DNAJC13: variants seen among roughly 807,000 people sequenced by gnomAD.
DNAJC13 encodes the protein dnaJ homolog subfamily C member 13.
A neutral mutation model predicts 290.5 loss-of-function variants in DNAJC13; 75 were observed. The observed-to-expected ratio is 0.26, with a 90% CI of 0.21 to 0.31. The LOEUF (loss-of-function observed/expected upper bound fraction) is 0.31, where lower values mean the gene tolerates loss of function less well. Ranked by LOEUF, DNAJC13 falls within the 10% of genes least tolerant of loss-of-function variation. The probability of loss-of-function intolerance (pLI) is 1.00; values close to 1 mark genes in which losing one functional copy is unlikely to be tolerated. For missense variants in DNAJC13, 2,260 were observed against 2,674.5 expected (o/e 0.85, Z 3.42); for synonymous variants, 862 against 892.0 (o/e 0.97, Z 0.60).
At chr3:132,463,952 C>A in intron 17 of DNAJC13, 135 bp downstream of exon 17, 1 of 1,039,000 alleles carries the variant, frequency 9.6e-7, no homozygotes, top group Non-Finnish European at 1.3e-6. Context: ...CTTTTCCTTT[C>A]CTTACAGAAG....
chr3:132,449,099 T>C (rs1933344169), intron 5 of DNAJC13, among the ~76,000 whole-genome samples: 1 of 152,158 alleles, frequency 6.6e-6, no homozygotes, highest in South Asian at 2.1e-4. Context: ...TACCTGATTT[T>C]ACATCAGGAG....
intron 3 of DNAJC13, 26 bp from the exon 4 acceptor site, chr3:132,447,295 C>T (rs774520342): frequency 6.7e-7 from 1 of 1,501,290 alleles, no homozygotes; most frequent in Non-Finnish European, 8.8e-7. Flanking sequence ...TATAGTAGCA[C>T]CAGTCAAAAT....
rs1188612961 is a variant in DNAJC13, at chr3:132,523,729, A to G, written c.6060+16A>G. The G allele has an allele frequency of 6.2e-7, 1 of 1,606,178 alleles. No individual in the cohort carries two copies. Among genetic ancestry groups the G allele is most frequent in the East Asian group, 2.2e-5 (1 of 44,778 alleles). ...CAATCCTCATGTAAGCTTCAGTCAA[A>G]AGCAAAACATTTCAAAGACTTGGCT... On this transcript the variant is annotated intron_variant, in intron 51 of 55. Coordinates refer to ENST00000260818, the MANE Select transcript of DNAJC13 (RefSeq NM_015268.4).
intron 20 of DNAJC13, among the ~76,000 whole-genome samples, chr3:132,471,426 G>A (rs1246074861): frequency 2.8e-5 from 4 of 144,870 alleles, no homozygotes; most frequent in African/African-American, 7.6e-5. Flanking sequence ...GCTGCCGGGC[G>A]GAGAGGCTCC....
chr3:132,447,218 A>G (rs1015637103), intron 3 of DNAJC13, 103 bp from the exon 4 acceptor site: 3 of 1,007,010 alleles, frequency 3.0e-6, no homozygotes, highest in Non-Finnish European at 4.0e-6. Context: ...ATTTTATAAA[A>G]TTTTGCTGAT....
chr3:132,462,937 A>C lies in DNAJC13; in HGVS notation c.1770+414A>C, dbSNP rs137865545. Among the ~76,000 whole-genome samples, 956 of 152,336 alleles carry C rather than the reference A, an allele frequency of 6.3e-3. 13 individuals are homozygous for C. Among genetic ancestry groups the C allele is most frequent in the African/African-American group, 0.022 (916 of 41,580 alleles). ...GGCAACAAAAAGTTCTTGATAAAGC[A>C]TATTTGTAATTGAGCTCTAGAGATT... On this transcript the variant is annotated intron_variant, in intron 16 of 55. Transcript: ENST00000260818.
chr3:132,482,516 T>C (rs1481185384), intron 27 of DNAJC13, among the ~76,000 whole-genome samples, 186 bp downstream of exon 27: 1 of 152,152 alleles, frequency 6.6e-6, no homozygotes, highest in African/African-American at 2.4e-5. Context: ...AATTATGCCT[T>C]CAAACCTTGT....
intron 9 of DNAJC13, 130 bp downstream of exon 9, chr3:132,454,287 A>G: frequency 6.4e-6 from 4 of 628,922 alleles, no homozygotes; most frequent in Non-Finnish European, 1.1e-5. Context: ...ATTTTCTTGC[A>G]TATTTAAAAT....
chr3:132,499,409 AT>A, intron 37 of DNAJC13, 99 bp downstream of exon 37: 1 of 1,054,600 alleles, frequency 9.5e-7, no homozygotes, highest in East Asian at 2.5e-5. Flanking sequence ...AGATTCTTTA[AT>A]TTATTTCAGC....
rs748912838 is a variant in DNAJC13, at chr3:132,528,264, G to A, written c.6457G>A (p.Ala2153Thr). Reference sequence around the variant, plus strand: ...TGGCCTTGAAAACCTGGACAGCCCAGCAGCCACTAAGGCTCAGATTGTTAA... The same window carrying A: ...TGGCCTTGAAAACCTGGACAGCCCAACAGCCACTAAGGCTCAGATTGTTAA... ...GIGLENLDSPAATKAQIVKAL... is the reference protein window; with the variant it reads ...GIGLENLDSPTATKAQIVKAL... The change falls in exon 54 of 56, where the codon GCA becomes ACA. Residue 2153 changes from alanine to threonine, a missense_variant. Ala to Thr is a moderately conservative substitution (Grantham distance 58). Transcript: ENST00000260818. The A allele has an allele frequency of 8.8e-5, 142 of 1,613,116 alleles. No individual in the cohort carries two copies. The highest frequency in any genetic ancestry group is 1.1e-4 in the Non-Finnish European group (135 of 1,179,862).
At position 132,423,105 on chromosome 3, in the gene DNAJC13, A is replaced by G. The variant is rs539649802; in HGVS notation, c.-14+5345A>G. Among the ~76,000 whole-genome samples the G allele has an allele frequency of 3.9e-5, 6 of 152,192 alleles. No individual in the cohort carries two copies. In the South Asian group the frequency reaches 6.2e-4, roughly 16 times the overall value. ...GGATCACTCGAGGCCAGGAGCTCCA[A>G]CCTAGCTTGAGCAACCCCGTCTCAT... is the stretch of plus-strand genomic sequence containing the variant. On this transcript the variant is annotated intron_variant, in intron 1 of 55. Transcript: ENST00000260818.
chr3:132,420,582 T>A (rs187277539), intron 1 of DNAJC13, among the ~76,000 whole-genome samples: 1 of 150,568 alleles, frequency 6.6e-6, no homozygotes, highest in Non-Finnish European at 1.5e-5. Flanking sequence ...GCTAAGAAGC[T>A]TTCAGTAACA....
intron 54 of DNAJC13, among the ~76,000 whole-genome samples, chr3:132,530,506 T>G (rs796245890): frequency 3.3e-5 from 5 of 152,330 alleles, no homozygotes; most frequent in African/African-American, 1.2e-4. Context: ...CTCTGATGCT[T>G]TCTATATTGA....
intron 29 of DNAJC13, among the ~76,000 whole-genome samples, chr3:132,486,328 T>C (rs1439431818): frequency 6.6e-6 from 1 of 152,008 alleles, no homozygotes; most frequent in Admixed American, 6.6e-5. Context: ...AACATGTGGA[T>C]AAAACACCAC....
chr3:132,518,017 T>C (rs1002499095), intron 48 of DNAJC13, among the ~76,000 whole-genome samples: 1 of 152,184 alleles, frequency 6.6e-6, no homozygotes, highest in African/African-American at 2.4e-5. Flanking sequence ...AGGTAGCACA[T>C]AACTGTAATA....
intron 1 of DNAJC13, among the ~76,000 whole-genome samples, chr3:132,420,831 G>A (rs868696769): frequency 3.3e-5 from 5 of 152,106 alleles, no homozygotes; most frequent in Middle Eastern, 3.4e-3. Flanking sequence ...AAGAACAGGC[G>A]TGCTCATTTC....
intron 54 of DNAJC13, among the ~76,000 whole-genome samples, chr3:132,529,265 A>T (rs1364468800): frequency 6.6e-6 from 1 of 152,124 alleles, no homozygotes; most frequent in African/African-American, 2.4e-5. Flanking sequence ...CATGTTACCA[A>T]TGCTTCATTT....
chr3:132,428,583 T>G (rs1939165008), intron 1 of DNAJC13, among the ~76,000 whole-genome samples: 1 of 152,024 alleles, frequency 6.6e-6, no homozygotes, highest in Non-Finnish European at 1.5e-5. Context: ...GTGCTAGGAT[T>G]ACAGGCATGA....
intron 29 of DNAJC13, 33 bp from the exon 30 acceptor site, chr3:132,488,265 C>T (rs375128549): frequency 2.6e-6 from 4 of 1,546,602 alleles, no homozygotes; most frequent in African/African-American, 1.4e-5. Context: ...AGGTTTTTTA[C>T]AACCCAATAA....
Sources: allele counts gnomAD v4.1 joint callset (sites outside exome capture counted in the v4.1 genomes callset), GRCh38; gene constraint gnomAD v4.1.1; transcripts MANE v1.5; gene names NCBI Gene and HGNC (gene_info 2026-07-23, HGNC 2026-07-21).